SHMT1: variants seen among roughly 807,000 people sequenced by gnomAD.
SHMT1 encodes serine hydroxymethyltransferase 1.
In SHMT1, 45 loss-of-function variants were observed where a neutral mutation model predicts 49.0. The ratio of observed to expected loss-of-function variants is 0.92; its 90% CI spans 0.72 to 1.18. The LOEUF (loss-of-function observed/expected upper bound fraction) is 1.18. SHMT1 is among the 50% of genes most tolerant of loss of function. SHMT1 has a pLI of 0.00. For missense variants in SHMT1, 541 were observed against 612.4 expected, an observed-to-expected ratio of 0.88 and a Z score of 1.23; for synonymous variants, 232 against 246.6, an observed-to-expected ratio of 0.94 and a Z score of 0.55.
intron 5 of SHMT1, among the ~76,000 whole-genome samples, chr17:18,344,120 C>A (rs1984826749): frequency 1.3e-5 from 2 of 151,964 alleles, no homozygotes; most frequent in South Asian, 4.2e-4. Context: ...ACCAGCACAT[C>A]TGGAGTGAAA....
In SHMT1 at chr17:18,335,612, T is replaced by A. The variant is rs780259143; in HGVS notation, c.878A>T (p.Asn293Ile). The A allele has an allele frequency of 6.2e-7, 1 of 1,614,146 alleles. No individual in the cohort carries two copies. Among genetic ancestry groups the A allele is most frequent in the Non-Finnish European group, 8.5e-7 (1 of 1,180,026 alleles). Residue 293 changes from asparagine to isoleucine, a missense_variant, in exon 8 of 12, where the codon AAT becomes ATT. Asn to Ile is a moderately radical substitution (Grantham distance 149). Transcript: ENST00000316694. ...EILYNLESLI[N>I]SAVFPGLQGG... is the part of the protein sequence containing the mutation. ...CTGCAGGCCAGGGAACACAGCAGAA[T>A]TGATAAGAGACTCCAGGTTGTACAG...
At chr17:18,337,707 G>A (rs1348171705) in intron 7 of SHMT1, among the ~76,000 whole-genome samples, 1 of 152,164 alleles carries the variant, frequency 6.6e-6, no homozygotes, top group East Asian at 1.9e-4. Context: ...GAGTGCCTGG[G>A]ATTGCAGGCA....
chr17:18,339,428 C>T (rs1984234731), intron 7 of SHMT1, among the ~76,000 whole-genome samples: 2 of 152,188 alleles, frequency 1.3e-5, no homozygotes, highest in Admixed American at 1.3e-4. Flanking sequence ...ACACCTGCCT[C>T]TCGAGTTCAG....
At chr17:18,357,003 C>A (rs556173791) in intron 1 of SHMT1, among the ~76,000 whole-genome samples, 2 of 151,976 alleles carry the variant, frequency 1.3e-5, no homozygotes, top group Non-Finnish European at 2.9e-5. Context: ...ATTTTCCGGC[C>A]GGGCACGGTG....
rs745592767 is a variant in SHMT1 at position 18,348,368 on chromosome 17, C to G, written c.315G>C (p.Lys105Asn). 13 of 1,614,004 alleles carry G rather than the reference C, an allele frequency of 8.1e-6. No homozygotes were observed. Among genetic ancestry groups the G allele is most frequent in the Non-Finnish European group, 1.1e-5 (13 of 1,179,896 alleles). ...TGACCCCCCAGCACTGTGGGTCCAG[C>G]TTATAGGCCTGCAGGGCTCGCTTCT... ...LCQKRALQAY[K>N]LDPQCWGVNV... Residue 105 changes from lysine (K) to asparagine (N), a missense_variant, in exon 4 of 12, where the codon AAG becomes AAC. Coordinates refer to ENST00000316694, the MANE Select transcript of SHMT1 (RefSeq NM_004169.5).
At chr17:18,344,618 CT>C (rs1375799255) in intron 5 of SHMT1, among the ~76,000 whole-genome samples, 2 of 145,010 alleles carry the variant, frequency 1.4e-5, no homozygotes, top group African/African-American at 5.1e-5. Flanking sequence ...TGCTTTCTCC[CT>C]TTTTAATTTA....
In SHMT1 at chr17:18,353,486, G is replaced by C. The variant is rs1216350785; in HGVS notation, c.242+186C>G. The C allele has an allele frequency of 8.2e-6, 6 of 729,942 alleles. No homozygotes were observed. The African/African-American group carries it at 8.7e-5, about 11-fold the overall frequency. The allele number at this position is 729,942 out of a possible 1,614,324, so 45.2% of individuals were successfully genotyped here. A position where few individuals can be genotyped will look rare whatever the true frequency, so the allele number is the denominator to read the frequency against. On this transcript the variant is annotated intron_variant, in intron 3 of 11. Transcript: ENST00000316694. The stretch of plus-strand genomic sequence containing the variant: ...GAAATGTGCCCCTGAGTACACCTGC[G>C]CTGAGCTCTTCAGTGTTATCACATG...
At chr17:18,353,105 A>T (rs143135782) in intron 3 of SHMT1, among the ~76,000 whole-genome samples, 1 of 152,316 alleles carries the variant, frequency 6.6e-6, no homozygotes, top group Non-Finnish European at 1.5e-5. Context: ...ACAAAAATGC[A>T]CACATTTGCA....
intron 1 of SHMT1, among the ~76,000 whole-genome samples, chr17:18,361,584 G>A (rs938138563): frequency 2.0e-5 from 3 of 151,860 alleles, no homozygotes; most frequent in Non-Finnish European, 2.9e-5. Flanking sequence ...TCAGGAGATC[G>A]AGACCATCCT....
intron 3 of SHMT1, among the ~76,000 whole-genome samples, chr17:18,350,463 C>G (rs1455884904): frequency 1.3e-5 from 2 of 151,976 alleles, no homozygotes; most frequent in South Asian, 2.1e-4. Context: ...CTGGGCAACA[C>G]AGCAAGACCT....
intron 10 of SHMT1, 109 bp from the exon 11 acceptor site, chr17:18,329,497 C>T: frequency 2.3e-6 from 2 of 853,132 alleles, no homozygotes; most frequent in South Asian, 1.4e-5. Flanking sequence ...AGGATACTGG[C>T]TGTCCCTAGC....
At chr17:18,356,976 T>C (rs1986295643) in intron 1 of SHMT1, among the ~76,000 whole-genome samples, 1 of 151,916 alleles carries the variant, frequency 6.6e-6, no homozygotes, top group Admixed American at 6.6e-5. Context: ...TACCCAACAC[T>C]GCTATACATG....
chr17:18,351,555 G>A (rs995701332), intron 3 of SHMT1, among the ~76,000 whole-genome samples: 3 of 151,426 alleles, frequency 2.0e-5, no homozygotes, highest in African/African-American at 7.3e-5. Flanking sequence ...TCAGGAGATC[G>A]AGACCAGCCT....
At chr17:18,348,085 A>C (rs913448136) in intron 4 of SHMT1, among the ~76,000 whole-genome samples, 5 of 151,924 alleles carry the variant, frequency 3.3e-5, no homozygotes, top group African/African-American at 1.2e-4. Context: ...ACACCCAGCT[A>C]ATTTTTGTAT....
At position 18,335,247 on chromosome 17, in the gene SHMT1, A is replaced by C. The variant is rs575017422; in HGVS notation, c.931+312T>G. ...CTCATCCTGCAGGGTCTGGACCCCA[A>C]TCTCTCTCACCTGTGCTTTGCCCTC... On this transcript the variant is annotated intron_variant, in intron 8 of 11. Transcript: ENST00000316694. 2.2e-4 allele frequency among the ~76,000 whole-genome samples: 33 copies of C among 152,258 alleles called. No individual in the cohort carries two copies. In the South Asian group the frequency reaches 5.6e-3, roughly 26 times the overall value.
At chr17:18,349,778 T>C (rs993806508) in intron 3 of SHMT1, among the ~76,000 whole-genome samples, 4 of 152,078 alleles carry the variant, frequency 2.6e-5, no homozygotes, top group Admixed American at 2.6e-4. Context: ...CTCAGCACTT[T>C]GGGAGGCCGA....
chr17:18,342,217 A>C (rs1984594758), intron 5 of SHMT1, among the ~76,000 whole-genome samples: 1 of 152,200 alleles, frequency 6.6e-6, no homozygotes, highest in Non-Finnish European at 1.5e-5. Context: ...AATAATAATC[A>C]GTCTGAAAAA....
chr17:18,361,735 G>T (rs991706559), intron 1 of SHMT1, among the ~76,000 whole-genome samples: 1 of 151,372 alleles, frequency 6.6e-6, no homozygotes, highest in Non-Finnish European at 1.5e-5. Flanking sequence ...GCAGTGAGCC[G>T]AGATCGCGCC....
intron 7 of SHMT1, among the ~76,000 whole-genome samples, chr17:18,337,663 A>G (rs995903087): frequency 2.0e-5 from 3 of 149,640 alleles, no homozygotes; most frequent in Admixed American, 1.3e-4. Context: ...GCTCACTGCA[A>G]CCTCCCTGCC....
Sources: gnomAD v4.1 joint callset for allele counts (sites outside exome capture counted in the v4.1 genomes callset) on GRCh38, gnomAD v4.1.1 for gene constraint, MANE v1.5 for transcripts, NCBI Gene and HGNC (gene_info 2026-07-23, HGNC 2026-07-21) for gene names.